Variants in SLC12A8 observed in about 807,000 individuals in gnomAD.
SLC12A8 encodes the protein cation-chloride cotransporter 9.
In SLC12A8, 69 loss-of-function variants were observed where a neutral mutation model predicts 75.6. That is an observed-to-expected ratio of 0.91 (90% CI 0.75 to 1.11). The LOEUF (loss-of-function observed/expected upper bound fraction) is 1.11. Among genes scored for constraint, SLC12A8 ranks in the 50% most tolerant of loss-of-function variants. The pLI, the probability that SLC12A8 is intolerant of heterozygous loss-of-function variation, is 0.00. For missense variants in SLC12A8, 877 were observed against 896.7 expected (o/e 0.98, Z 0.28); for synonymous variants, 365 against 372.8 (o/e 0.98, Z 0.24).
intron 1 of SLC12A8, among the ~76,000 whole-genome samples, chr3:125,212,357 C>T (rs572154972): frequency 3.9e-4 from 59 of 152,304 alleles, no homozygotes; most frequent in African/African-American, 1.3e-3. Flanking sequence ...GAGCAAGGGA[C>T]CCCAGGCCTC....
At chr3:125,205,663 T>A (rs1935213851) in intron 2 of SLC12A8, among the ~76,000 whole-genome samples, 1 of 152,244 alleles carries the variant, frequency 6.6e-6, no homozygotes, top group Non-Finnish European at 1.5e-5. Context: ...GCCTCTTGTC[T>A]TCTGCTGCCT....
At chr3:125,137,820 G>C (rs549808510) in intron 5 of SLC12A8, among the ~76,000 whole-genome samples, 1 of 152,184 alleles carries the variant, frequency 6.6e-6, no homozygotes, top group Non-Finnish European at 1.5e-5. Context: ...GAGTCACTTG[G>C]CTCCCTCGTG....
At chr3:125,091,997 T>C in intron 11 of SLC12A8, 104 bp downstream of exon 11, 2 of 707,920 alleles carry the variant, frequency 2.8e-6, no homozygotes, top group South Asian at 3.8e-5. Flanking sequence ...TCACATTGCT[T>C]CTAATTAGGC....
At chr3:125,185,325 A>G (rs1309491873) in intron 4 of SLC12A8, among the ~76,000 whole-genome samples, 1 of 151,814 alleles carries the variant, frequency 6.6e-6, no homozygotes, top group East Asian at 1.9e-4. Flanking sequence ...CGTCTCAAAA[A>G]CAAAAAACAA....
chr3:125,103,222 C>T (rs1401851745), intron 10 of SLC12A8, among the ~76,000 whole-genome samples: 2 of 152,066 alleles, frequency 1.3e-5, no homozygotes, highest in Non-Finnish European at 2.9e-5. Context: ...ACTCACTCAC[C>T]TCATCCTGTT....
rs765973822 is a variant in SLC12A8, at chr3:125,092,170, T to A, written c.1734A>T (p.Glu578Asp). The A allele has an allele frequency of 4.3e-6, 7 of 1,613,002 alleles. No homozygotes were observed. Among genetic ancestry groups the A allele is most frequent in the Non-Finnish European group, 5.1e-6 (6 of 1,179,130 alleles). The change falls in exon 11 of 14, where the codon GAA (glutamate) becomes GAT (aspartate). Residue 578 changes from glutamate to aspartate, a missense_variant. Physicochemically the swap from Glu to Asp is conservative, Grantham distance 45. Coordinates refer to ENST00000469902, the MANE Select transcript of SLC12A8 (RefSeq NM_024628.6). ...EDFFLKSRLQEQDVWRRSTSF... is the reference protein window; with the variant it reads ...EDFFLKSRLQDQDVWRRSTSF... ...AAGTGGATCTTCTCCAGACATCTTGTTCTTGGAGCCTGGACTTCAGGAAGA... is the reference window on the plus strand; with the variant it reads ...AAGTGGATCTTCTCCAGACATCTTGATCTTGGAGCCTGGACTTCAGGAAGA...
intron 6 of SLC12A8, among the ~76,000 whole-genome samples, chr3:125,134,483 T>C (rs1933440755): frequency 6.6e-6 from 1 of 152,212 alleles, no homozygotes; most frequent in African/African-American, 2.4e-5. Flanking sequence ...ACTCACCTGT[T>C]GATGAACATT....
rs1027518203 is a variant in SLC12A8 at position 125,091,499 on chromosome 3, T to C, written c.1861A>G (p.Met621Val). The C allele has an allele frequency of 7.4e-6, 12 of 1,613,864 alleles. No homozygotes were observed. The highest frequency in any genetic ancestry group is 1.7e-5 in the Admixed American group (1 of 59,972). The stretch of plus-strand genomic sequence containing the variant: ...AAATACACGATGGCAGCAACACCCA[T>C]GTTAACCAGGGTATACACCCACTGT... ...VIQWVYTLVN[M>V]GVAAIVYFYI... The change falls in exon 12 of 14, where the codon ATG becomes GTG. Residue 621 changes from methionine (M) to valine (V), a missense_variant. Met to Val is a conservative substitution (Grantham distance 21). Transcript: ENST00000469902.
intron 6 of SLC12A8, among the ~76,000 whole-genome samples, chr3:125,127,283 T>G (rs1422422110): frequency 6.6e-6 from 1 of 152,230 alleles, no homozygotes; most frequent in Non-Finnish European, 1.5e-5. Flanking sequence ...TTTCCCTCCC[T>G]CTCAATGTTT....
intron 2 of SLC12A8, among the ~76,000 whole-genome samples, chr3:125,196,374 T>G (rs1191526520): frequency 1.3e-5 from 2 of 152,218 alleles, no homozygotes; most frequent in Admixed American, 6.5e-5. Flanking sequence ...ATAGAAAATT[T>G]GGGTATTTGT....
intron 10 of SLC12A8, among the ~76,000 whole-genome samples, chr3:125,099,668 C>T (rs1012966811): frequency 3.9e-5 from 6 of 152,196 alleles, no homozygotes; most frequent in East Asian, 3.8e-4. Flanking sequence ...GTGGCTCATG[C>T]CTGTAATCCC....
Position 125,083,044 on chromosome 3 carries a change from G to T in SLC12A8, c.*846C>A, listed in dbSNP as rs1938365587. The stretch of plus-strand genomic sequence containing the variant: ...TCCCATTTGCTTGTATATCCATAAA[G>T]AAATGCTGGATGTACGGATGAGAAT... On this transcript the variant is annotated 3_prime_UTR_variant, in exon 14 of 14. Coordinates refer to ENST00000469902, the MANE Select transcript of SLC12A8 (RefSeq NM_024628.6). 6.6e-6 allele frequency: 1 copy of T among 152,204 alleles called. No homozygotes were observed. 9.4% of individuals were successfully genotyped at this position (152,204 alleles called of 1,614,324 possible).
chr3:125,187,168 G>C lies in SLC12A8; in HGVS notation c.390+69C>G, dbSNP rs1221644155. The C allele has an allele frequency of 5.2e-6, 8 of 1,526,094 alleles. No homozygotes were observed. The Admixed American group carries it at 1.2e-4, about 23-fold the overall frequency. The allele number at this position is 1,526,094 out of a possible 1,614,324, so 94.5% of individuals were successfully genotyped here. ...CCACCCTCGCTTCTCCCCAGGTCAA[G>C]TGAGGAAATGGACAAGAAGAAAGTG... On this transcript the variant is annotated intron_variant, in intron 4 of 13. Coordinates refer to ENST00000469902, the MANE Select transcript of SLC12A8 (RefSeq NM_024628.6).
chr3:125,206,387 G>A (rs1172176939), intron 2 of SLC12A8, among the ~76,000 whole-genome samples: 2 of 152,162 alleles, frequency 1.3e-5, no homozygotes, highest in African/African-American at 4.8e-5. Flanking sequence ...CACTATTGCT[G>A]GAACTCAAGT....
At chr3:125,190,643 G>A (rs1462204513) in intron 2 of SLC12A8, 122 bp from the exon 3 acceptor site, 1 of 1,150,722 alleles carries the variant, frequency 8.7e-7, no homozygotes, top group African/African-American at 1.5e-5. Context: ...GTCTTATTGT[G>A]CCAGGGCAAG....
Position 125,110,202 on chromosome 3 carries a change from C to G in SLC12A8, c.1046G>C (p.Cys349Ser), listed in dbSNP as rs371942380. The change falls in exon 9 of 14, where the codon TGT (cysteine) becomes TCT (serine). Residue 349 changes from cysteine (C) to serine (S), a missense_variant. Transcript: ENST00000469902. ...AGGATTACTCACCCCTTGTCCCAGA[C>G]AGGCAAGTGCAGGGATCACTTTCTC... ...AQEKVIPALA[C>S]LGQGKGPNKT... 2.5e-6 allele frequency: 4 copies of G among 1,612,692 alleles called. No homozygotes were observed. In the African/African-American group the frequency reaches 4.0e-5, roughly 16 times the overall value.
At chr3:125,104,003 TAAAA>T (rs57011863) in intron 10 of SLC12A8, among the ~76,000 whole-genome samples, 2 of 135,522 alleles carry the variant, frequency 1.5e-5, no homozygotes. Context: ...CTCCAAGATT[TAAAA>T]AAAAAAAAAA....
intron 5 of SLC12A8, among the ~76,000 whole-genome samples, chr3:125,162,325 C>G (rs1046034048): frequency 6.6e-6 from 1 of 152,238 alleles, no homozygotes; most frequent in Non-Finnish European, 1.5e-5. Flanking sequence ...GATTCCAGTC[C>G]TCAAGGCTCT....
At chr3:125,145,026 C>T (rs1933739720) in intron 5 of SLC12A8, among the ~76,000 whole-genome samples, 1 of 152,222 alleles carries the variant, frequency 6.6e-6, no homozygotes. Flanking sequence ...GGGCCTCCCT[C>T]AGAATGCCAT....
Sources: allele counts gnomAD v4.1 joint callset (sites outside exome capture counted in the v4.1 genomes callset), GRCh38; gene constraint gnomAD v4.1.1; transcripts MANE v1.5; gene names NCBI Gene and HGNC (gene_info 2026-07-23, HGNC 2026-07-21).